CREB5: variants seen among roughly 807,000 people sequenced by gnomAD.
The protein encoded by CREB5 is cAMP responsive element binding protein 5.
CREB5 carries 19 observed loss-of-function variants against 57.1 expected under a neutral mutation model. The observed-to-expected ratio is 0.33, with a 90% CI of 0.23 to 0.49. The LOEUF (loss-of-function observed/expected upper bound fraction) is 0.49. Ranked by LOEUF, CREB5 falls within the 20% of genes least tolerant of loss-of-function variation. The pLI is 0.99. For synonymous variants in CREB5, 238 were observed against 238.3 expected (o/e 1.00, Z 0.01); for missense variants, 579 against 671.6 (o/e 0.86, Z 1.52).
At chr7:28,603,342 C>T (rs1189278061) in intron 5 of CREB5, among the ~76,000 whole-genome samples, 1 of 152,178 alleles carries the variant, frequency 6.6e-6, no homozygotes, top group East Asian at 1.9e-4. Flanking sequence ...ATTTTTCCCA[C>T]AGCCTTTGAG....
chr7:28,814,918 T>C (rs1415157105), intron 9 of CREB5, among the ~76,000 whole-genome samples: 1 of 152,188 alleles, frequency 6.6e-6, no homozygotes, highest in East Asian at 1.9e-4. Flanking sequence ...CTGAGGACAT[T>C]AATTGGTGTT....
At chr7:28,759,756 G>C (rs1193843963) in intron 7 of CREB5, among the ~76,000 whole-genome samples, 1 of 152,214 alleles carries the variant, frequency 6.6e-6, no homozygotes, top group Non-Finnish European at 1.5e-5. Context: ...CATCACTCCA[G>C]CTTTTCTCTG....
At chr7:28,776,982 A>C (rs1806691069) in intron 7 of CREB5, among the ~76,000 whole-genome samples, 1 of 152,200 alleles carries the variant, frequency 6.6e-6, no homozygotes, top group Non-Finnish European at 1.5e-5. Flanking sequence ...CTGTTTGACT[A>C]TTATGAATAA....
intron 7 of CREB5, among the ~76,000 whole-genome samples, chr7:28,772,998 T>C (rs916154514): frequency 1.3e-5 from 2 of 152,234 alleles, no homozygotes; most frequent in African/African-American, 2.4e-5. Flanking sequence ...GTATGGGTTA[T>C]TGTAAGGATT....
At chr7:28,573,491 T>C (rs976046307) in intron 5 of CREB5, among the ~76,000 whole-genome samples, 1 of 152,206 alleles carries the variant, frequency 6.6e-6, no homozygotes, top group African/African-American at 2.4e-5. Context: ...TGCCCACGCA[T>C]AGTGCTCTTG....
At chr7:28,326,199 A>G (rs1482205322) in intron 1 of CREB5, among the ~76,000 whole-genome samples, 1 of 145,054 alleles carries the variant, frequency 6.9e-6, no homozygotes, top group Non-Finnish European at 1.6e-5. Flanking sequence ...CTATCTATCT[A>G]TCTATCTATC....
chr7:28,636,669 T>G (rs912739662), intron 5 of CREB5, among the ~76,000 whole-genome samples: 1 of 152,238 alleles, frequency 6.6e-6, no homozygotes. Flanking sequence ...CTTTTCCCTT[T>G]CAATCATAAC....
intron 1 of CREB5, among the ~76,000 whole-genome samples, chr7:28,380,018 C>T (rs1478320286): frequency 6.6e-6 from 1 of 152,180 alleles, no homozygotes; most frequent in Non-Finnish European, 1.5e-5. Context: ...TCCTGAGTAG[C>T]TGGGATTACA....
chr7:28,499,435 T>TGA (rs1792186475), intron 3 of CREB5, among the ~76,000 whole-genome samples: 4 of 152,124 alleles, frequency 2.6e-5, no homozygotes, highest in African/African-American at 7.2e-5. Context: ...TGTGTGTGTG[T>TGA]GACCTAATAG....
intron 5 of CREB5, chr7:28,614,959 A>G (rs1322852947): frequency 6.6e-6 from 1 of 152,210 alleles, no homozygotes. Flanking sequence ...CCACAATACC[A>G]TTTCTCCACC....
At chr7:28,416,187 G>A (rs1261569508) in intron 1 of CREB5, among the ~76,000 whole-genome samples, 3 of 152,146 alleles carry the variant, frequency 2.0e-5, no homozygotes, top group South Asian at 2.1e-4. Flanking sequence ...GTTTGCATGC[G>A]ATTTTATATC....
chr7:28,737,581 ATAT>A (rs1562606917), intron 7 of CREB5, among the ~76,000 whole-genome samples: 379 of 27,134 alleles, frequency 0.014, 13 homozygotes, highest in Middle Eastern at 0.06. Flanking sequence ...ATATATATAT[ATAT>A]ATATTTTTAA....
chr7:28,443,913 A>G (rs1789309590), intron 1 of CREB5, among the ~76,000 whole-genome samples: 1 of 152,196 alleles, frequency 6.6e-6, no homozygotes, highest in African/African-American at 2.4e-5. Flanking sequence ...TGGAAGCGGT[A>G]TTGGTAGATC....
intron 1 of CREB5, among the ~76,000 whole-genome samples, chr7:28,312,396 G>A (rs1160656317): frequency 1.3e-5 from 2 of 152,188 alleles, no homozygotes; most frequent in African/African-American, 4.8e-5. Flanking sequence ...GAGGCACAGA[G>A]TGGTGGAGCT....
intron 1 of CREB5, among the ~76,000 whole-genome samples, chr7:28,386,011 C>T (rs182941507): frequency 1.3e-5 from 2 of 152,268 alleles, no homozygotes; most frequent in Admixed American, 1.3e-4. Flanking sequence ...TAATCACTTT[C>T]CTCCCATCTT....
At chr7:28,620,739 G>C (rs944896997) in intron 5 of CREB5, among the ~76,000 whole-genome samples, 1 of 152,130 alleles carries the variant, frequency 6.6e-6, no homozygotes, top group Non-Finnish European at 1.5e-5. Flanking sequence ...CCTGAATTCA[G>C]TAATAAGCCT....
chr7:28,363,026 AAGATTG>A (rs1262198774), intron 1 of CREB5, among the ~76,000 whole-genome samples: 5 of 152,196 alleles, frequency 3.3e-5, no homozygotes, highest in African/African-American at 1.2e-4. Flanking sequence ...TTTCTAAGTT[AAGATTG>A]TGCTAAGTAT....
intron 1 of CREB5, among the ~76,000 whole-genome samples, chr7:28,299,932 A>T (rs538157866): frequency 6.6e-6 from 1 of 152,170 alleles, no homozygotes; most frequent in African/African-American, 2.4e-5. Flanking sequence ...TATACCACTA[A>T]GATTTTGATA....
chr7:28,728,364 A>C (rs1803441161), intron 7 of CREB5, among the ~76,000 whole-genome samples: 1 of 152,264 alleles, frequency 6.6e-6, no homozygotes, highest in Non-Finnish European at 1.5e-5. Context: ...TGATCACAAC[A>C]TTGATCCTTT....
Sources: gnomAD v4.1 joint callset for allele counts (sites outside exome capture counted in the v4.1 genomes callset) on GRCh38, gnomAD v4.1.1 for gene constraint, MANE v1.5 for transcripts, NCBI Gene and HGNC (gene_info 2026-07-23, HGNC 2026-07-21) for gene names.